The following PTPRN2 variants were observed in gnomAD, a reference collection of about 807,000 sequenced individuals.
PTPRN2 encodes receptor-type tyrosine-protein phosphatase N2.
PTPRN2 carries 74 observed loss-of-function variants against 118.8 expected under a neutral mutation model. The observed-to-expected ratio is 0.62, with a 90% CI of 0.52 to 0.76. The LOEUF (loss-of-function observed/expected upper bound fraction) is 0.76. Among genes scored for constraint, PTPRN2 ranks in the 30% least tolerant of loss-of-function variants. The pLI, the probability that PTPRN2 is intolerant of heterozygous loss-of-function variation, is 0.00. For synonymous variants in PTPRN2, 641 were observed against 608.0 expected (o/e 1.05, Z -0.80); for missense variants, 1,481 against 1,394.4 (o/e 1.06, Z -0.99).
chr7:157,892,061 G>A (rs1208543075), intron 12 of PTPRN2, among the ~76,000 whole-genome samples: 1 of 152,248 alleles, frequency 6.6e-6, no homozygotes, highest in South Asian at 2.1e-4. Context: ...TGTCTATCAC[G>A]ACGCTTAGAA....
In PTPRN2 at chr7:157,885,328, C is replaced by A. The variant is rs898804175; in HGVS notation, c.1788+13345G>T. 3.9e-5 allele frequency among the ~76,000 whole-genome samples: 6 copies of A among 152,200 alleles called. No individual in the cohort carries two copies. The East Asian group carries it at 1.2e-3, about 29-fold the overall frequency. The stretch of plus-strand genomic sequence containing the variant: ...CAGCACGTTCCTCCACTCCACAGTG[C>A]CCAGGTGGGCCTGGGCTGGGGGCAT... On this transcript the variant is annotated intron_variant, in intron 12 of 22. Coordinates refer to ENST00000389418, the MANE Select transcript of PTPRN2 (RefSeq NM_002847.5).
chr7:158,070,954 TG>T (rs1198109716), intron 11 of PTPRN2, among the ~76,000 whole-genome samples: 1 of 112,918 alleles, frequency 8.9e-6, no homozygotes. Context: ...GTGCCCGTGG[TG>T]GTGGAGGTGC....
intron 3 of PTPRN2, among the ~76,000 whole-genome samples, chr7:158,229,548 T>A (rs1423032178): frequency 6.6e-6 from 1 of 151,908 alleles, no homozygotes; most frequent in African/African-American, 2.4e-5. Context: ...AAACAATTTT[T>A]AAAAATTCAA....
intron 11 of PTPRN2, among the ~76,000 whole-genome samples, chr7:158,054,230 G>A (rs1403702535): frequency 6.6e-6 from 1 of 152,240 alleles, no homozygotes; most frequent in East Asian, 1.9e-4. Context: ...TGTGCCTGTG[G>A]AGTGTGATGT....
At chr7:158,303,411 G>T (rs1052897811) in intron 3 of PTPRN2, among the ~76,000 whole-genome samples, 3 of 152,172 alleles carry the variant, frequency 2.0e-5, no homozygotes, top group Non-Finnish European at 4.4e-5. Flanking sequence ...AGCACCAGTA[G>T]AATTCTGTAA....
At chr7:157,776,316 C>CTCT (rs1803236332) in intron 12 of PTPRN2, among the ~76,000 whole-genome samples, 1 of 77,554 alleles carries the variant, frequency 1.3e-5, no homozygotes, top group Admixed American at 1.2e-4. Flanking sequence ...CCTCTTCCTC[C>CTCT]CTCTCCTCCT....
chr7:157,645,443 G>A (rs1291439163), intron 14 of PTPRN2, among the ~76,000 whole-genome samples: 2 of 152,194 alleles, frequency 1.3e-5, no homozygotes, highest in African/African-American at 4.8e-5. Flanking sequence ...TTATTGCAGG[G>A]AATGTGGCAG....
chr7:158,325,365 C>CT (rs55975155), intron 2 of PTPRN2, among the ~76,000 whole-genome samples: 2,941 of 150,188 alleles, frequency 0.02, 41 homozygotes, highest in Middle Eastern at 0.052. Context: ...ACTTATATGT[C>CT]TTTTTTTTTT....
chr7:158,417,112 C>T (rs1159101362), intron 2 of PTPRN2, among the ~76,000 whole-genome samples: 3 of 151,920 alleles, frequency 2.0e-5, no homozygotes, highest in Non-Finnish European at 2.9e-5. Context: ...TGGTGTACTA[C>T]ATCAAGATGC....
chr7:158,465,966 C>T (rs1819353089), intron 2 of PTPRN2, among the ~76,000 whole-genome samples: 1 of 152,218 alleles, frequency 6.6e-6, no homozygotes, highest in African/African-American at 2.4e-5. Context: ...CTGCCTCACG[C>T]CTCACACACC....
At chr7:158,441,697 AATGG>A (rs1422549916) in intron 2 of PTPRN2, among the ~76,000 whole-genome samples, 11 of 106,148 alleles carry the variant, frequency 1.0e-4, no homozygotes, top group African/African-American at 4.1e-4. Context: ...TGGTGATGGC[AATGG>A]TGGCAGTGGT....
intron 19 of PTPRN2, chr7:157,574,502 G>C (rs993509214): frequency 9.3e-6 from 4 of 430,632 alleles, no homozygotes; most frequent in African/African-American, 8.5e-5. Context: ...CAAGAAGGGA[G>C]AGAGTAATAA....
intron 3 of PTPRN2, among the ~76,000 whole-genome samples, chr7:158,240,230 T>TA (rs1441968116): frequency 6.9e-6 from 1 of 144,206 alleles, no homozygotes; most frequent in Non-Finnish European, 1.5e-5. Context: ...CAGGTCTCAG[T>TA]AAAACAATGG....
At chr7:157,982,592 G>T (rs189879115) in intron 11 of PTPRN2, among the ~76,000 whole-genome samples, 48 of 141,924 alleles carry the variant, frequency 3.4e-4, no homozygotes, top group African/African-American at 1.2e-3. Context: ...ACGAGTAGGG[G>T]AATGCAGAGT....
At chr7:158,128,639 G>A (rs1585532806) in intron 9 of PTPRN2, among the ~76,000 whole-genome samples, 5 of 152,258 alleles carry the variant, frequency 3.3e-5, no homozygotes, top group Admixed American at 3.3e-4. Flanking sequence ...CTTCCCTCCA[G>A]GGTGAGCCCA....
intron 11 of PTPRN2, among the ~76,000 whole-genome samples, chr7:157,995,225 A>G (rs115786035): frequency 0.016 from 2,312 of 142,228 alleles, 47 homozygotes; most frequent in African/African-American, 0.058. Context: ...ACAGCTTACA[A>G]CTCCTTGTTC....
chr7:157,816,663 A>G (rs917175421), intron 12 of PTPRN2, among the ~76,000 whole-genome samples: 1 of 152,186 alleles, frequency 6.6e-6, no homozygotes, highest in Non-Finnish European at 1.5e-5. Context: ...TGGCACTCAG[A>G]CAGGAGCTCT....
In PTPRN2 at chr7:157,801,200, A is replaced by G; in HGVS notation, c.1788+97473T>C. ...CTTGTGCCTCTCATCTGATTCCGCTACACGGTGCAAGTTACGCCAGACCAG... is the reference window on the plus strand; with the variant it reads ...CTTGTGCCTCTCATCTGATTCCGCTGCACGGTGCAAGTTACGCCAGACCAG... On this transcript the variant is annotated intron_variant, in intron 12 of 22. Coordinates refer to ENST00000389418, the MANE Select transcript of PTPRN2 (RefSeq NM_002847.5). This position sits in a 1 kb window ranked among gnomAD's most constrained non-coding sequence, Gnocchi z 4.2. Among the ~76,000 whole-genome samples the G allele has an allele frequency of 6.6e-6, 1 of 151,952 alleles. No individual in the cohort carries two copies. Among genetic ancestry groups the G allele is most frequent in the Admixed American group, 6.6e-5 (1 of 15,246 alleles).
intron 16 of PTPRN2, among the ~76,000 whole-genome samples, chr7:157,601,789 T>A (rs1056577537): frequency 1.3e-4 from 20 of 152,384 alleles, no homozygotes; most frequent in African/African-American, 4.3e-4. Context: ...AACTCTCGTC[T>A]TTTAGGCTTG....
Sources: allele counts gnomAD v4.1 joint callset (sites outside exome capture counted in the v4.1 genomes callset), GRCh38; gene constraint gnomAD v4.1.1; non-coding constraint Gnocchi (gnomAD v3.1); transcripts MANE v1.5; gene names NCBI Gene and HGNC (gene_info 2026-07-23, HGNC 2026-07-21).